Variants in SPMIP6 observed in about 807,000 individuals in gnomAD.
The protein encoded by SPMIP6 is sperm microtubule inner protein 6.
At chr9:34,379,908 C>CA in the SPMIP6 span, 1 of 570,316 alleles carries the variant, frequency 1.8e-6, no homozygotes, top group Non-Finnish European at 3.1e-6. This position sits in a 1 kb window ranked among gnomAD's most constrained non-coding sequence, Gnocchi z 4.2. Context: ...GGGAACCCCC[C>CA]TTGGAAGACT....
the SPMIP6 span, among the ~76,000 whole-genome samples, chr9:34,384,069 G>T: frequency 6.6e-6 from 1 of 152,204 alleles, no homozygotes; most frequent in Non-Finnish European, 1.5e-5. Context: ...ATGCGACACG[G>T]TGTGGAGGAA....
At chr9:34,385,915 G>T in the SPMIP6 span, 1 of 786,548 alleles carries the variant, frequency 1.3e-6, no homozygotes, top group Non-Finnish European at 2.0e-6. Flanking sequence ...CCATGTCAGA[G>T]GGATTCCCAT....
chr9:34,382,864 T>G, the SPMIP6 span: 2 of 1,608,124 alleles, frequency 1.2e-6, no homozygotes, highest in East Asian at 2.2e-5. Flanking sequence ...GGGCTGCATT[T>G]GTCTGCTGGA....
At chr9:34,396,979 G>A in the SPMIP6 span, among the ~76,000 whole-genome samples, 2 of 152,152 alleles carry the variant, frequency 1.3e-5, no homozygotes, top group Admixed American at 1.3e-4. Context: ...CAATCTTCAA[G>A]CACAGACACA....
chr9:34,397,348 C>A, the SPMIP6 span: 1 of 807,518 alleles, frequency 1.2e-6, no homozygotes, highest in Non-Finnish European at 2.0e-6. Flanking sequence ...GGATTTTGTG[C>A]TGTTTTACAT....
chr9:34,394,377 G>A, the SPMIP6 span, among the ~76,000 whole-genome samples: 2 of 152,004 alleles, frequency 1.3e-5, no homozygotes, highest in Non-Finnish European at 2.9e-5. Context: ...GGATGGTCTC[G>A]ATCTCCTGAC....
chr9:34,385,493 G>T, the SPMIP6 span: 2,476 of 665,880 alleles, frequency 3.7e-3, 11 homozygotes, highest in Middle Eastern at 7.2e-3. Context: ...CCGAGATCAT[G>T]CCATTGCACC....
the SPMIP6 span, among the ~76,000 whole-genome samples, chr9:34,383,949 C>T: frequency 1.3e-5 from 2 of 152,194 alleles, no homozygotes; most frequent in Non-Finnish European, 2.9e-5. Context: ...GAAAATTTGA[C>T]CAAGACACCC....
At chr9:34,385,678 T>C in the SPMIP6 span, 1 of 1,612,088 alleles carries the variant, frequency 6.2e-7, no homozygotes, top group Non-Finnish European at 8.5e-7. Flanking sequence ...CAAGTAGGGG[T>C]GGCCTGATAT....
chr9:34,385,873 GTC>G, the SPMIP6 span: 2 of 1,382,714 alleles, frequency 1.4e-6, no homozygotes. Flanking sequence ...TCTTGAGAAG[GTC>G]AGCCCAGGTG....
the SPMIP6 span, among the ~76,000 whole-genome samples, chr9:34,395,039 C>T: frequency 7.6e-3 from 1,148 of 151,474 alleles, 6 homozygotes; most frequent in Middle Eastern, 0.01. Context: ...GATCAAGGCT[C>T]ACTGCAGCCT....
chr9:34,393,438 T>G, the SPMIP6 span, among the ~76,000 whole-genome samples: 6 of 152,212 alleles, frequency 3.9e-5, no homozygotes, highest in Non-Finnish European at 8.8e-5. Context: ...AATAAACATT[T>G]TCATTGTTTT....
the SPMIP6 span, among the ~76,000 whole-genome samples, chr9:34,380,357 C>G: frequency 1.8e-4 from 27 of 152,306 alleles, no homozygotes; most frequent in African/African-American, 6.0e-4. Context: ...GGTGCGGGAT[C>G]CGAGGAGGCC....
the SPMIP6 span, chr9:34,379,835 A>G: frequency 2.4e-6 from 2 of 834,086 alleles, no homozygotes; most frequent in South Asian, 1.6e-5. The surrounding 1 kb of genome is among the most constrained non-coding windows in gnomAD (Gnocchi z 4.2). Context: ...GTCCGTCCCA[A>G]GGCTCGGAAA....
At chr9:34,386,887 ACAGGTATCTG>A in the SPMIP6 span, among the ~76,000 whole-genome samples, 5 of 152,218 alleles carry the variant, frequency 3.3e-5, no homozygotes, top group Non-Finnish European at 2.9e-5. Flanking sequence ...TTGTAGACCC[ACAGGTATCTG>A]CAGGCAGCTG....
chr9:34,394,674 G>A, the SPMIP6 span, among the ~76,000 whole-genome samples: 1 of 152,114 alleles, frequency 6.6e-6, no homozygotes, highest in Non-Finnish European at 1.5e-5. Context: ...TGTGTGGGGT[G>A]TGTGTTGGGG....
At chr9:34,394,433 C>T in the SPMIP6 span, among the ~76,000 whole-genome samples, 1 of 152,094 alleles carries the variant, frequency 6.6e-6, no homozygotes, top group East Asian at 1.9e-4. Flanking sequence ...GGGATTACAG[C>T]TGTGAGCCAC....
At chr9:34,379,291 C>T in the SPMIP6 span, 1 of 722,886 alleles carries the variant, frequency 1.4e-6, no homozygotes, top group East Asian at 2.7e-5. The surrounding 1 kb of genome is among the most constrained non-coding windows in gnomAD (Gnocchi z 4.2). Flanking sequence ...TAGCACTGAC[C>T]TTGGGTTCCA....
At chr9:34,381,583 C>G in the SPMIP6 span, 1 of 1,477,660 alleles carries the variant, frequency 6.8e-7, no homozygotes, top group Non-Finnish European at 9.0e-7. This position sits in a 1 kb window ranked among gnomAD's most constrained non-coding sequence, Gnocchi z 4.4. Flanking sequence ...CTCCAGGGCT[C>G]TGTGTTGGCG....
Sources: gnomAD v4.1 joint callset for allele counts (sites outside exome capture counted in the v4.1 genomes callset) on GRCh38, gnomAD v4.1.1 for gene constraint, Gnocchi (gnomAD v3.1) non-coding constraint, MANE v1.5 for transcripts, NCBI Gene and HGNC (gene_info 2026-07-23, HGNC 2026-07-21) for gene names.